Variants in MBOAT2 observed in about 807,000 individuals in gnomAD.
The protein encoded by MBOAT2 is membrane bound glycerophospholipid O-acyltransferase 2.
Under a neutral mutation model 63.4 loss-of-function variants are expected in MBOAT2, and 28 were observed. That is an observed-to-expected ratio of 0.44 (90% CI 0.33 to 0.61). The LOEUF (loss-of-function observed/expected upper bound fraction) is 0.61, where lower values mean the gene tolerates loss of function less well. Ranked by LOEUF, MBOAT2 falls within the 20% of genes least tolerant of loss-of-function variation. MBOAT2 has a pLI of 0.03. For missense variants in MBOAT2, 470 were observed against 605.8 expected (o/e 0.78, Z 2.35); for synonymous variants, 211 against 215.6 (o/e 0.98, Z 0.19).
chr2:8,910,188 A>G (rs996216707), intron 3 of MBOAT2, among the ~76,000 whole-genome samples: 3 of 152,140 alleles, frequency 2.0e-5, no homozygotes, highest in African/African-American at 7.2e-5. Context: ...GAGAAAGAAC[A>G]AGAGAGAAAA....
chr2:8,911,740 T>C (rs1665724184), intron 3 of MBOAT2, among the ~76,000 whole-genome samples: 1 of 152,162 alleles, frequency 6.6e-6, no homozygotes. Flanking sequence ...CCCTTTACCT[T>C]CTGCCACATG....
intron 2 of MBOAT2, among the ~76,000 whole-genome samples, chr2:8,952,067 A>G (rs1209114671): frequency 6.6e-6 from 1 of 152,198 alleles, no homozygotes. Context: ...AACACTGTAT[A>G]CTTTCCTCTT....
chr2:8,931,806 C>T lies in MBOAT2; in HGVS notation c.299+11381G>A, dbSNP rs185815107. 5.3e-5 allele frequency among the ~76,000 whole-genome samples: 8 copies of T among 152,196 alleles called. No homozygotes were observed. In the East Asian group the frequency reaches 1.5e-3, roughly 29 times the overall value. On this transcript the variant is annotated intron_variant, in intron 3 of 12. Coordinates refer to ENST00000305997, the MANE Select transcript of MBOAT2 (RefSeq NM_138799.4). ...TCCAGATTCAATTTTTTGCACATGG[C>T]TAGCCTGTTTTTCAAGCACCATTTA...
chr2:8,921,560 T>C (rs908831728), intron 3 of MBOAT2, among the ~76,000 whole-genome samples: 2 of 152,208 alleles, frequency 1.3e-5, no homozygotes, highest in African/African-American at 4.8e-5. Flanking sequence ...TCCTATGGAC[T>C]TCCTTTCGAC....
At position 8,864,246 on chromosome 2, in the gene MBOAT2, G is replaced by A; in HGVS notation, c.988-12C>T. ...AAACTTGTTGACATCTGAAAAAAAAGGAAACTTTTTTCTTTGTGTCACAAA... is the reference window on the plus strand; with the variant it reads ...AAACTTGTTGACATCTGAAAAAAAAAGAAACTTTTTTCTTTGTGTCACAAA... On this transcript the variant is annotated splice_polypyrimidine_tract_variant and intron_variant, in intron 9 of 12. Transcript: ENST00000305997. 2 of 1,525,698 alleles carry A rather than the reference G, an allele frequency of 1.3e-6. No homozygotes were observed. The highest frequency in any genetic ancestry group is 2.4e-5 in the East Asian group (1 of 42,488). The allele number at this position is 1,525,698 out of a possible 1,614,324, so 94.5% of individuals were successfully genotyped here.
At chr2:8,883,196 A>G (rs1187065981) in intron 5 of MBOAT2, among the ~76,000 whole-genome samples, 4 of 152,208 alleles carry the variant, frequency 2.6e-5, no homozygotes, top group African/African-American at 9.6e-5. Context: ...TTAATAAACT[A>G]ATATTAGTAA....
intron 9 of MBOAT2, among the ~76,000 whole-genome samples, chr2:8,866,674 T>C (rs186217889): frequency 1.3e-3 from 192 of 152,344 alleles, no homozygotes; most frequent in African/African-American, 4.0e-3. Context: ...TCCAGTTGGT[T>C]TGGTCAATCA....
chr2:8,873,888 G>A (rs1408621815), intron 7 of MBOAT2, among the ~76,000 whole-genome samples: 1 of 152,176 alleles, frequency 6.6e-6, no homozygotes, highest in Non-Finnish European at 1.5e-5. Context: ...CAATAGTGCG[G>A]TAAGGTCGCA....
intron 4 of MBOAT2, among the ~76,000 whole-genome samples, chr2:8,891,628 G>A (rs1168089407): frequency 6.6e-6 from 1 of 152,142 alleles, no homozygotes; most frequent in Non-Finnish European, 1.5e-5. Context: ...AATATCTGTT[G>A]ACTTTGTATT....
chr2:8,989,178 A>G (rs1671758197), intron 1 of MBOAT2, among the ~76,000 whole-genome samples: 1 of 152,196 alleles, frequency 6.6e-6, no homozygotes, highest in Admixed American at 6.5e-5. Context: ...ATATGCTTTG[A>G]TGAGCCCCTA....
At chr2:8,915,868 T>G (rs1666133602) in intron 3 of MBOAT2, among the ~76,000 whole-genome samples, 1 of 152,214 alleles carries the variant, frequency 6.6e-6, no homozygotes, top group Non-Finnish European at 1.5e-5. Flanking sequence ...GTGACTATCC[T>G]TCTGCATCCT....
At chr2:8,874,594 C>A (rs1662571873) in intron 7 of MBOAT2, among the ~76,000 whole-genome samples, 1 of 152,262 alleles carries the variant, frequency 6.6e-6, no homozygotes, top group Non-Finnish European at 1.5e-5. Flanking sequence ...CGAAAACAGC[C>A]TGTATCCTGA....
At chr2:8,984,164 A>T (rs1248174333) in intron 1 of MBOAT2, among the ~76,000 whole-genome samples, 1 of 152,216 alleles carries the variant, frequency 6.6e-6, no homozygotes, top group Non-Finnish European at 1.5e-5. Context: ...ACAAAAAGAC[A>T]AACACTATAG....
In MBOAT2 at chr2:8,958,629, A is replaced by G. The variant is rs183371237; in HGVS notation, c.89T>C (p.Val30Ala). 5 of 1,583,716 alleles carry G rather than the reference A, an allele frequency of 3.2e-6. No individual in the cohort carries two copies. The highest frequency in any genetic ancestry group is 2.3e-5 in the East Asian group (1 of 44,432). ...QLPIDQVNFV[V>A]CQLFALLAAI... ...TGCTAGCAAGGCAAAGAGTTGGCAC[A>G]CTACAAAGTTGACCTGTAAAGAAAA... The change falls in exon 2 of 13, where the codon GTG becomes GCG. Residue 30 changes from valine (V) to alanine (A), a missense_variant. This residue lies in a region of MBOAT2 where 376 missense variants were observed against 503.8 expected (regional missense o/e 0.75). Transcript: ENST00000305997.
chr2:9,001,221 C>T (rs1672664889), intron 1 of MBOAT2, among the ~76,000 whole-genome samples: 1 of 152,022 alleles, frequency 6.6e-6, no homozygotes, highest in African/African-American at 2.4e-5. Context: ...TAGGAGTATA[C>T]TCTAAAACAA....
chr2:8,993,140 C>A (rs1672032953), intron 1 of MBOAT2, among the ~76,000 whole-genome samples: 1 of 152,192 alleles, frequency 6.6e-6, no homozygotes, highest in Non-Finnish European at 1.5e-5. Context: ...CTTCTTTTTC[C>A]AACCACACCT....
Position 8,864,236 on chromosome 2 carries a change from T to C in MBOAT2, c.988-2A>G. The C allele has an allele frequency of 6.4e-7, 1 of 1,553,784 alleles. No individual in the cohort carries two copies. Among genetic ancestry groups the C allele is most frequent in the Non-Finnish European group, 8.7e-7 (1 of 1,155,780 alleles). ...AAACATCTTGAAACTTGTTGACATC[T>C]GAAAAAAAAGGAAACTTTTTTCTTT... On this transcript the variant is annotated splice_acceptor_variant, in intron 9 of 12. Transcript: ENST00000305997. LOFTEE classifies it high-confidence loss of function.
chr2:8,876,470 C>T (rs1038750520), intron 7 of MBOAT2, among the ~76,000 whole-genome samples: 2 of 152,158 alleles, frequency 1.3e-5, no homozygotes, highest in South Asian at 2.1e-4. Context: ...AAAGTGTTAG[C>T]TATTATTAAT....
intron 3 of MBOAT2, among the ~76,000 whole-genome samples, chr2:8,929,728 G>A (rs1312831605): frequency 6.6e-6 from 1 of 152,108 alleles, no homozygotes; most frequent in Non-Finnish European, 1.5e-5. Flanking sequence ...ACATTCCTTT[G>A]GGTATATATC....
Sources: gnomAD v4.1 joint callset for allele counts (sites outside exome capture counted in the v4.1 genomes callset) on GRCh38, gnomAD v4.1.1 for gene constraint, gnomAD v4.1.1 regional missense constraint, MANE v1.5 for transcripts, NCBI Gene and HGNC (gene_info 2026-07-23, HGNC 2026-07-21) for gene names.